WDR27: variants seen among roughly 807,000 people sequenced by gnomAD.
The protein encoded by WDR27 is WD repeat-containing protein 27.
A neutral mutation model predicts 114.4 loss-of-function variants in WDR27; 100 were observed. That is an observed-to-expected ratio of 0.87 (90% CI 0.74 to 1.03). The LOEUF (loss-of-function observed/expected upper bound fraction) is 1.03, where lower values mean the gene tolerates loss of function less well. Among genes scored for constraint, WDR27 ranks in the 50% least tolerant of loss-of-function variants. The pLI is 0.00. For synonymous variants in WDR27, 449 were observed against 423.1 expected (o/e 1.06, Z -0.75); for missense variants, 1,129 against 1,092.9 (o/e 1.03, Z -0.47).
At chr6:169,697,452 T>C (rs750356914) in intron 1 of WDR27, among the ~76,000 whole-genome samples, 1 of 151,906 alleles carries the variant, frequency 6.6e-6, no homozygotes, top group Non-Finnish European at 1.5e-5. Flanking sequence ...TCCCGGAGAG[T>C]TTAGAGAAGA....
intron 19 of WDR27, 58 bp from the exon 20 acceptor site, chr6:169,634,583 A>C: frequency 1.9e-6 from 2 of 1,063,026 alleles, no homozygotes; most frequent in South Asian, 2.9e-5. Flanking sequence ...ACAACTAAAC[A>C]CCTTATCTTT....
rs955739014 is a variant in WDR27 at position 169,659,115 on chromosome 6, G to A, written c.1290C>T (p.Ser430=). 1.3e-6 allele frequency: 2 copies of A among 1,594,554 alleles called. No individual in the cohort carries two copies. Among genetic ancestry groups the A allele is most frequent in the African/African-American group, 1.4e-5 (1 of 73,744 alleles). ...CTGGCACCGAGAGGCTCTGCCCCAT[G>A]CTGGGGCACTGCTGAGCCCTGACTA... ...AALVRAQQCP[S]MGQSLSVPAS... The change falls in exon 12 of 26, where the codon AGC becomes AGT. Residue 430 remains serine, a synonymous_variant. Transcript: ENST00000448612. The surrounding 1 kb of genome is among the most constrained non-coding windows in gnomAD (Gnocchi z 4.3).
At chr6:169,435,809 A>G in the WDR27 span, among the ~76,000 whole-genome samples, 46 of 152,298 alleles carry the variant, frequency 3.0e-4, no homozygotes, top group African/African-American at 1.1e-3. Context: ...GAAATGAGTT[A>G]AGATTTTGAG....
intron 18 of WDR27, among the ~76,000 whole-genome samples, 178 bp downstream of exon 18, chr6:169,638,361 C>T (rs1233314882): frequency 1.5e-5 from 2 of 137,900 alleles, no homozygotes. Flanking sequence ...AGAAACTAAT[C>T]AATAACTGTT....
At chr6:169,622,309 G>A (rs577862913) in intron 21 of WDR27, among the ~76,000 whole-genome samples, 97 of 152,272 alleles carry the variant, frequency 6.4e-4, no homozygotes, top group Middle Eastern at 3.4e-3. Context: ...ACCTCCTGAG[G>A]CTGTGTCACG....
intron 16 of WDR27, among the ~76,000 whole-genome samples, chr6:169,645,327 TCA>T (rs1820392054): frequency 6.8e-6 from 1 of 146,804 alleles, no homozygotes; most frequent in African/African-American, 2.5e-5. Flanking sequence ...TTCATACGAG[TCA>T]CACTGTAGAA....
intron 25 of WDR27, among the ~76,000 whole-genome samples, chr6:169,564,957 C>T (rs192213961): frequency 6.6e-6 from 1 of 152,304 alleles, no homozygotes; most frequent in Admixed American, 6.5e-5. Flanking sequence ...GTTAAGTGAC[C>T]ATGCCAGGGA....
At chr6:169,571,269 AAT>A (rs1491498548) in intron 25 of WDR27, among the ~76,000 whole-genome samples, 2,074 of 144,506 alleles carry the variant, frequency 0.014, 47 homozygotes, top group African/African-American at 0.052. Flanking sequence ...TTAAAAAAAA[AAT>A]AAATAAAAAG....
intron 25 of WDR27, among the ~76,000 whole-genome samples, chr6:169,542,791 A>G (rs1796987678): frequency 3.3e-5 from 1 of 29,906 alleles, no homozygotes; most frequent in East Asian, 2.3e-3. Flanking sequence ...TAATATATAC[A>G]CAATCTAATA....
chr6:169,572,844 C>T (rs1462407310), intron 24 of WDR27, among the ~76,000 whole-genome samples: 1 of 152,160 alleles, frequency 6.6e-6, no homozygotes, highest in Non-Finnish European at 1.5e-5. Context: ...ATACAAAAAA[C>T]ATTTTATGCC....
At chr6:169,691,247 A>G (rs1328468845) in intron 1 of WDR27, among the ~76,000 whole-genome samples, 1 of 152,228 alleles carries the variant, frequency 6.6e-6, no homozygotes, top group East Asian at 1.9e-4. Context: ...TTTTAAAAAA[A>G]CGTAATTTTT....
chr6:169,701,392 G>C (rs531531975), intron 1 of WDR27, among the ~76,000 whole-genome samples, 159 bp downstream of exon 1: 1 of 152,258 alleles, frequency 6.6e-6, no homozygotes, highest in East Asian at 1.9e-4. Flanking sequence ...CATAATTAAC[G>C]AGCCCTCAGG....
downstream of WDR27, among the ~76,000 whole-genome samples, chr6:169,453,801 A>G (rs1347786920): frequency 6.6e-6 from 1 of 152,212 alleles, no homozygotes; most frequent in Admixed American, 6.5e-5. Flanking sequence ...GGCTCATTAA[A>G]TGTAAGATAA....
chr6:169,639,166 G>A lies in WDR27; in HGVS notation c.1748-506C>T, dbSNP rs575313258. Among the ~76,000 whole-genome samples the A allele has an allele frequency of 1.2e-4, 16 of 136,792 alleles. No individual in the cohort carries two copies. The South Asian group carries it at 2.4e-3, about 21-fold the overall frequency. 89.7% of individuals were successfully genotyped at this position (136,792 alleles called of 152,430 possible). ...GGGTACTGTGTGGGGCGTGTACTGCGTGGTGCTGGGTACTGTGTGGAGCGT... is the reference window on the plus strand; with the variant it reads ...GGGTACTGTGTGGGGCGTGTACTGCATGGTGCTGGGTACTGTGTGGAGCGT... On this transcript the variant is annotated intron_variant, in intron 17 of 25. Coordinates refer to ENST00000448612, the MANE Select transcript of WDR27 (RefSeq NM_182552.5).
At chr6:169,602,395 C>G (rs560852449) in intron 22 of WDR27, 74 bp from the exon 23 acceptor site, 1 of 952,984 alleles carries the variant, frequency 1.0e-6, no homozygotes, top group South Asian at 1.6e-5. Flanking sequence ...AAGAAAACAA[C>G]TTGTTGCTTT....
chr6:169,528,121 A>T (rs1261096189), intron 25 of WDR27, among the ~76,000 whole-genome samples: 2 of 152,236 alleles, frequency 1.3e-5, no homozygotes, highest in Non-Finnish European at 2.9e-5. Context: ...AATATGTAAG[A>T]ACAAATTACA....
chr6:169,554,137 G>A (rs1448362466), intron 25 of WDR27, among the ~76,000 whole-genome samples: 3 of 152,196 alleles, frequency 2.0e-5, no homozygotes, highest in Admixed American at 2.0e-4. Context: ...GGCAACTCAA[G>A]AAACCCAACA....
chr6:169,657,140 G>A (rs1041319528), intron 13 of WDR27, among the ~76,000 whole-genome samples: 1 of 152,190 alleles, frequency 6.6e-6, no homozygotes, highest in Non-Finnish European at 1.5e-5. Context: ...GCCATGGCAG[G>A]ACGAACAAGC....
At chr6:169,603,008 A>AT (rs1354534199) in intron 22 of WDR27, among the ~76,000 whole-genome samples, 3 of 151,886 alleles carry the variant, frequency 2.0e-5, no homozygotes, top group Non-Finnish European at 4.4e-5. Flanking sequence ...CACCCAGCTA[A>AT]TTTTTGTATT....
Sources: gnomAD v4.1 joint callset for allele counts (sites outside exome capture counted in the v4.1 genomes callset) on GRCh38, gnomAD v4.1.1 for gene constraint, Gnocchi (gnomAD v3.1) non-coding constraint, MANE v1.5 for transcripts, NCBI Gene and HGNC (gene_info 2026-07-23, HGNC 2026-07-21) for gene names.